The following CALCRL variants were observed in gnomAD, a reference collection of about 807,000 sequenced individuals.
The protein encoded by CALCRL is calcitonin receptor like receptor, also known as calcitonin gene-related peptide type 1 receptor.
A neutral mutation model predicts 60.4 loss-of-function variants in CALCRL; 27 were observed. The observed-to-expected ratio is 0.45, with a 90% CI of 0.33 to 0.62. The LOEUF (loss-of-function observed/expected upper bound fraction) is 0.62. CALCRL is among the 20% of genes least tolerant of loss of function. The probability of loss-of-function intolerance (pLI) is 0.03; values close to 1 mark genes in which losing one functional copy is unlikely to be tolerated. For synonymous variants in CALCRL, 190 were observed against 182.6 expected (o/e 1.04, Z -0.33); for missense variants, 424 against 540.7 (o/e 0.78, Z 2.14).
intron 1 of CALCRL, among the ~76,000 whole-genome samples, chr2:187,427,927 T>C (rs551895233): frequency 6.6e-6 from 1 of 152,300 alleles, no homozygotes; most frequent in South Asian, 2.1e-4. Flanking sequence ...ATTGGTAGTA[T>C]GTGAACCTCT....
In CALCRL at chr2:187,433,313, T is replaced by C. The variant is rs1481622036; in HGVS notation, c.-293+14726A>G. Among the ~76,000 whole-genome samples the C allele has an allele frequency of 2.0e-5, 3 of 152,246 alleles. No individual in the cohort carries two copies. The East Asian group carries it at 5.8e-4, about 29-fold the overall frequency. ...CAGCCAAAAATGCTATGAAAGAATC[T>C]TTCCAGCTTTTTGGTGTTTGGGACA... On this transcript the variant is annotated intron_variant, in intron 1 of 14. Transcript: ENST00000392370.
intron 9 of CALCRL, among the ~76,000 whole-genome samples, chr2:187,362,404 A>T (rs189546610): frequency 1.6e-3 from 239 of 152,180 alleles, no homozygotes; most frequent in African/African-American, 5.6e-3. Context: ...AGATTAAGCA[A>T]TCTGGATGCA....
intron 9 of CALCRL, 123 bp from the exon 10 acceptor site, chr2:187,360,874 G>C: frequency 1.2e-6 from 1 of 816,974 alleles, no homozygotes; most frequent in Non-Finnish European, 1.8e-6. Context: ...ATACATTAAT[G>C]ATTAGGATTT....
intron 5 of CALCRL, among the ~76,000 whole-genome samples, chr2:187,382,902 T>C (rs902718738): frequency 1.3e-5 from 2 of 152,154 alleles, no homozygotes; most frequent in Non-Finnish European, 2.9e-5. Flanking sequence ...TGTGTTTTTG[T>C]GTTAATATTA....
At chr2:187,366,366 T>A (rs997141554) in intron 8 of CALCRL, among the ~76,000 whole-genome samples, 15 of 151,560 alleles carry the variant, frequency 9.9e-5, no homozygotes, top group African/African-American at 3.2e-4. Flanking sequence ...GCATATTGCA[T>A]GATAGTAAAA....
chr2:187,395,836 C>A (rs1688627570), intron 1 of CALCRL, among the ~76,000 whole-genome samples: 1 of 151,892 alleles, frequency 6.6e-6, no homozygotes, highest in African/African-American at 2.4e-5. Flanking sequence ...TGAACCTGGG[C>A]AAATTCCATG....
intron 7 of CALCRL, among the ~76,000 whole-genome samples, chr2:187,379,624 C>T (rs912868754): frequency 4.6e-5 from 7 of 152,096 alleles, no homozygotes; most frequent in African/African-American, 1.7e-4. Context: ...GTATAATTCT[C>T]TTCCAATTCT....
chr2:187,346,278 C>G lies in CALCRL; in HGVS notation c.1292G>C (p.Gly431Ala). Residue 431 changes from glycine to alanine, a missense_variant, in exon 15 of 15, where the codon GGT becomes GCT. By Grantham distance (60) the Gly-to-Ala change is moderately conservative. This residue lies in a region of CALCRL where 222 missense variants were observed against 265.6 expected (regional missense o/e 0.84). Coordinates refer to ENST00000392370, the MANE Select transcript of CALCRL (RefSeq NM_005795.6). ...TTCACTAGGACAGTCATGACTATAA[C>G]CTGGACCATCACTGATTGTTGACAC... ...YTVSTISDGP[G>A]YSHDCPSEHL... 6.2e-7 allele frequency: 1 copy of G among 1,612,272 alleles called. No homozygotes were observed. The highest frequency in any genetic ancestry group is 1.1e-5 in the South Asian group (1 of 91,024).
chr2:187,397,602 C>A (rs550711310), intron 1 of CALCRL, among the ~76,000 whole-genome samples: 2 of 151,660 alleles, frequency 1.3e-5, no homozygotes, highest in East Asian at 3.9e-4. Flanking sequence ...GAATATAGTG[C>A]ATAGTTGTGA....
intron 8 of CALCRL, among the ~76,000 whole-genome samples, chr2:187,364,181 ATAGAAG>A (rs1210695847): frequency 3.8e-5 from 2 of 52,464 alleles, no homozygotes; most frequent in Non-Finnish European, 1.0e-4. Flanking sequence ...TGGAGTTCAC[ATAGAAG>A]TAGATTTCAA....
chr2:187,406,359 A>T (rs1689127393), intron 1 of CALCRL, among the ~76,000 whole-genome samples: 1 of 152,032 alleles, frequency 6.6e-6, no homozygotes, highest in Non-Finnish European at 1.5e-5. Flanking sequence ...TGTTCCTTGA[A>T]AAAATGGAAG....
At chr2:187,385,929 T>C (rs1371719868) in intron 3 of CALCRL, among the ~76,000 whole-genome samples, 1 of 152,086 alleles carries the variant, frequency 6.6e-6, no homozygotes, top group Non-Finnish European at 1.5e-5. Context: ...TTTGTATTTA[T>C]AGTAGAGATG....
Position 187,385,639 on chromosome 2 carries a change from A to C in CALCRL, c.-36-8T>G. ...TATGCTGTATAACATAAACTGCAAC[A>C]GAAAATAAAAGAAATATAATTCATC... On this transcript the variant is annotated splice_region_variant and splice_polypyrimidine_tract_variant and intron_variant, in intron 3 of 14. Coordinates refer to ENST00000392370, the MANE Select transcript of CALCRL (RefSeq NM_005795.6). The C allele has an allele frequency of 7.8e-7, 1 of 1,275,590 alleles. No homozygotes were observed. Among genetic ancestry groups the C allele is most frequent in the Non-Finnish European group, 1.1e-6 (1 of 907,098 alleles). The allele number at this position is 1,275,590 out of a possible 1,614,324, so 79.0% of individuals were successfully genotyped here. A position where few individuals can be genotyped will look rare whatever the true frequency, so the allele number is the denominator to read the frequency against.
intron 1 of CALCRL, among the ~76,000 whole-genome samples, chr2:187,426,748 C>T (rs1354151502): frequency 6.6e-6 from 1 of 151,918 alleles, no homozygotes; most frequent in African/African-American, 2.4e-5. Context: ...CTATGAGGGA[C>T]CTGAAGCTCA....
intron 14 of CALCRL, among the ~76,000 whole-genome samples, chr2:187,348,472 G>A (rs1686383580): frequency 6.6e-6 from 1 of 151,578 alleles, no homozygotes; most frequent in African/African-American, 2.4e-5. Flanking sequence ...ATGAGAAAAA[G>A]CTGAGAGGAA....
At chr2:187,405,369 G>GTTAAATATTTT (rs1689071354) in intron 1 of CALCRL, among the ~76,000 whole-genome samples, 1 of 151,966 alleles carries the variant, frequency 6.6e-6, no homozygotes, top group South Asian at 2.1e-4. Context: ...GAATAAGGAT[G>GTTAAATATTTT]GGCACTGTCT....
chr2:187,374,122 C>G (rs768354005), intron 8 of CALCRL, among the ~76,000 whole-genome samples: 4 of 152,060 alleles, frequency 2.6e-5, no homozygotes, highest in Non-Finnish European at 5.9e-5. Flanking sequence ...GAGCTATGAT[C>G]TTGCCACTGC....
chr2:187,352,294 G>A lies in CALCRL; in HGVS notation c.948C>T (p.Leu316=), dbSNP rs771341109. ...GGTGTGTAACTTTTAACTTGGTGATGAGAACGCGTACAATATTTAACAAGA... is the reference window on the plus strand; with the variant it reads ...GGTGTGTAACTTTTAACTTGGTGATAAGAACGCGTACAATATTTAACAAGA... ...LFFLLNIVRV[L]ITKLKVTHQA... The change falls in exon 13 of 15, where the codon CTC becomes CTT. Residue 316 remains leucine (L), a synonymous_variant. Coordinates refer to ENST00000392370, the MANE Select transcript of CALCRL (RefSeq NM_005795.6). 7.4e-6 allele frequency: 12 copies of A among 1,611,578 alleles called. No homozygotes were observed. In the South Asian group the frequency reaches 1.1e-4, roughly 15 times the overall value.
At chr2:187,417,052 G>A (rs1307629392) in intron 1 of CALCRL, among the ~76,000 whole-genome samples, 5 of 151,982 alleles carry the variant, frequency 3.3e-5, no homozygotes, top group South Asian at 4.1e-4. Flanking sequence ...AATTCTTGAC[G>A]AATAATGAGG....
Sources: allele counts gnomAD v4.1 joint callset (sites outside exome capture counted in the v4.1 genomes callset), GRCh38; gene constraint gnomAD v4.1.1; regional missense constraint gnomAD v4.1.1; transcripts MANE v1.5; gene names NCBI Gene and HGNC (gene_info 2026-07-23, HGNC 2026-07-21).